The following EBF1 variants were observed in gnomAD, a reference collection of about 807,000 sequenced individuals.
EBF1 encodes the protein transcription factor COE1.
EBF1 carries 10 observed loss-of-function variants against 68.4 expected under a neutral mutation model. That is an observed-to-expected ratio of 0.15 (90% CI 0.09 to 0.25). The LOEUF is 0.25. Among genes scored for constraint, EBF1 ranks in the 10% least tolerant of loss-of-function variants. The pLI, the probability that EBF1 is intolerant of heterozygous loss-of-function variation, is 1.00. For missense variants in EBF1, 509 were observed against 794.4 expected, an observed-to-expected ratio of 0.64 and a Z score of 4.32; for synonymous variants, 298 against 299.8, an observed-to-expected ratio of 0.99 and a Z score of 0.06.
chr5:158,752,450 C>T (rs1042080705), intron 10 of EBF1, among the ~76,000 whole-genome samples: 2 of 151,746 alleles, frequency 1.3e-5, no homozygotes, highest in Non-Finnish European at 2.9e-5. Flanking sequence ...ATGGCAGCAC[C>T]AATAAACAGA....
chr5:158,721,110 A>G (rs1472573878), intron 11 of EBF1, among the ~76,000 whole-genome samples: 1 of 152,198 alleles, frequency 6.6e-6, no homozygotes, highest in East Asian at 1.9e-4. Context: ...AAAACATTCT[A>G]GTCTAGAGAA....
At chr5:158,853,391 C>T (rs993295066) in intron 6 of EBF1, among the ~76,000 whole-genome samples, 2 of 152,030 alleles carry the variant, frequency 1.3e-5, no homozygotes, top group Admixed American at 6.6e-5. Context: ...TTTGTTTGGG[C>T]GGCTTTAAAA....
At chr5:158,715,329 T>C (rs940703360) in intron 11 of EBF1, among the ~76,000 whole-genome samples, 3 of 152,156 alleles carry the variant, frequency 2.0e-5, no homozygotes, top group African/African-American at 7.2e-5. Context: ...GATCAGAAAA[T>C]AGGGAGATAA....
intron 6 of EBF1, among the ~76,000 whole-genome samples, chr5:158,883,280 T>A (rs1338828827): frequency 6.7e-6 from 1 of 149,832 alleles, no homozygotes; most frequent in Non-Finnish European, 1.5e-5. Flanking sequence ...CGACAGCTTT[T>A]CTTCACTTTA....
chr5:158,814,501 C>T (rs972460795), intron 8 of EBF1, among the ~76,000 whole-genome samples: 3 of 152,186 alleles, frequency 2.0e-5, no homozygotes, highest in Admixed American at 6.5e-5. Context: ...CATTTATTAG[C>T]TCAACCAACC....
chr5:158,780,854 A>T (rs1776331391), intron 9 of EBF1, among the ~76,000 whole-genome samples: 1 of 152,198 alleles, frequency 6.6e-6, no homozygotes, highest in Non-Finnish European at 1.5e-5. Context: ...GTCTGTGTCA[A>T]ATCTAAAAAT....
At chr5:158,946,391 G>C (rs1814716339) in intron 6 of EBF1, among the ~76,000 whole-genome samples, 1 of 152,156 alleles carries the variant, frequency 6.6e-6, no homozygotes. Context: ...TCTTTTTGAT[G>C]TTGATACTAT....
chr5:158,798,648 G>T (rs1014100809), intron 8 of EBF1, among the ~76,000 whole-genome samples: 2 of 152,140 alleles, frequency 1.3e-5, no homozygotes, highest in African/African-American at 4.8e-5. Context: ...ATGCATGCGT[G>T]TGTATGTGCT....
chr5:158,744,423 T>G (rs1481894142), intron 10 of EBF1, among the ~76,000 whole-genome samples: 1 of 152,058 alleles, frequency 6.6e-6, no homozygotes, highest in African/African-American at 2.4e-5. Context: ...CACCATCTAG[T>G]GCAGTCAAGC....
At chr5:158,900,068 C>G (rs1207964847) in intron 6 of EBF1, among the ~76,000 whole-genome samples, 1 of 152,242 alleles carries the variant, frequency 6.6e-6, no homozygotes, top group East Asian at 1.9e-4. Flanking sequence ...GCTTGGGCTC[C>G]CTCCAGATGT....
chr5:159,022,056 T>TAAAAAAAA (rs10630834), intron 6 of EBF1, among the ~76,000 whole-genome samples: 39 of 105,596 alleles, frequency 3.7e-4, no homozygotes, highest in Non-Finnish European at 4.6e-4. Context: ...GTCAGCACGA[T>TAAAAAAAA]AAAAAAAAAA....
At position 159,073,315 on chromosome 5, in the gene EBF1, C is replaced by A. The variant is rs1044256976; in HGVS notation, c.554+81G>T. On this transcript the variant is annotated intron_variant, in intron 6 of 15. Coordinates refer to ENST00000313708, the MANE Select transcript of EBF1 (RefSeq NM_024007.5). ...AAATTTCAGCCACATGCATTCCTAA[C>A]CCTCGCCCATGAGCAACACAAGGGC... The A allele has an allele frequency of 3.3e-5, 49 of 1,473,042 alleles. No homozygotes were observed. The South Asian group carries it at 3.5e-4, about 10-fold the overall frequency. 91.2% of individuals were successfully genotyped at this position (1,473,042 alleles called of 1,614,324 possible).
chr5:158,874,804 A>G (rs1259262417), intron 6 of EBF1, among the ~76,000 whole-genome samples: 2 of 152,210 alleles, frequency 1.3e-5, no homozygotes, highest in African/African-American at 4.8e-5. Context: ...CCAGTGTTTT[A>G]CACCTACAGT....
chr5:159,030,362 T>C (rs564909169), intron 6 of EBF1, among the ~76,000 whole-genome samples: 1 of 152,310 alleles, frequency 6.6e-6, no homozygotes, highest in African/African-American at 2.4e-5. Context: ...ATATTATTAT[T>C]CATCTCTACA....
chr5:158,883,335 CACAT>C (rs569470784), intron 6 of EBF1, among the ~76,000 whole-genome samples: 206 of 132,020 alleles, frequency 1.6e-3, no homozygotes, highest in South Asian at 3.3e-3. Flanking sequence ...TATATACACA[CACAT>C]ACATGCATGT....
At chr5:158,719,902 G>A (rs145478253) in intron 11 of EBF1, among the ~76,000 whole-genome samples, 23 of 152,048 alleles carry the variant, frequency 1.5e-4, no homozygotes, top group Admixed American at 4.6e-4. Context: ...ATGTTTTCAG[G>A]AATGTAGATT....
chr5:158,878,339 C>A (rs564895970), intron 6 of EBF1, among the ~76,000 whole-genome samples: 1 of 152,128 alleles, frequency 6.6e-6, no homozygotes, highest in Admixed American at 6.5e-5. Flanking sequence ...GACCACAGAG[C>A]CTCCCAAATC....
intron 6 of EBF1, among the ~76,000 whole-genome samples, chr5:159,070,934 T>C (rs1040724610): frequency 2.0e-5 from 3 of 152,216 alleles, no homozygotes; most frequent in Admixed American, 6.5e-5. Flanking sequence ...TTGGAAACTA[T>C]GAAATTCAAA....
At chr5:159,072,147 C>G (rs1777907065) in intron 6 of EBF1, among the ~76,000 whole-genome samples, 1 of 152,116 alleles carries the variant, frequency 6.6e-6, no homozygotes, top group Non-Finnish European at 1.5e-5. Flanking sequence ...ATCAAATATA[C>G]TAATACTCTT....
Sources: allele counts gnomAD v4.1 joint callset (sites outside exome capture counted in the v4.1 genomes callset), GRCh38; gene constraint gnomAD v4.1.1; transcripts MANE v1.5; gene names NCBI Gene and HGNC (gene_info 2026-07-23, HGNC 2026-07-21).